COL24A1: variants seen among roughly 807,000 people sequenced by gnomAD.
The protein encoded by COL24A1 is collagen type XXIV alpha 1 chain.
COL24A1 carries 224 observed loss-of-function variants against 253.9 expected under a neutral mutation model. That is an observed-to-expected ratio of 0.88 (90% CI 0.79 to 0.99). COL24A1 has a LOEUF of 0.99. Ranked by LOEUF, COL24A1 falls within the 50% of genes least tolerant of loss-of-function variation. The pLI is 0.00. For missense variants in COL24A1, 2,131 were observed against 2,068.5 expected (o/e 1.03, Z -0.59); for synonymous variants, 685 against 673.7 (o/e 1.02, Z -0.26).
At chr1:86,139,466 GGAA>G (rs1326238126) in intron 2 of COL24A1, among the ~76,000 whole-genome samples, 1 of 152,090 alleles carries the variant, frequency 6.6e-6, no homozygotes, top group African/African-American at 2.4e-5. Context: ...ATCACAAATT[GGAA>G]GAAGAAGAAT....
chr1:85,786,218 T>C (rs1287305903), intron 48 of COL24A1, 136 bp downstream of exon 48: 3 of 643,020 alleles, frequency 4.7e-6, no homozygotes, highest in African/African-American at 3.6e-5. Context: ...ACTTTCTCTT[T>C]TCCTAACGTG....
chr1:85,799,121 A>G (rs986245700), intron 47 of COL24A1, among the ~76,000 whole-genome samples: 2 of 151,976 alleles, frequency 1.3e-5, no homozygotes, highest in Admixed American at 6.6e-5. Flanking sequence ...CCTCCCCTGT[A>G]CTGTCCCTCA....
intron 37 of COL24A1, among the ~76,000 whole-genome samples, chr1:85,863,862 C>T (rs1402932297): frequency 6.6e-6 from 1 of 152,158 alleles, no homozygotes; most frequent in Non-Finnish European, 1.5e-5. Context: ...CATCTCACAC[C>T]ACTTAGAATG....
intron 5 of COL24A1, among the ~76,000 whole-genome samples, chr1:86,102,058 A>G (rs564147650): frequency 2.7e-5 from 4 of 145,828 alleles, no homozygotes; most frequent in Non-Finnish European, 4.5e-5. Context: ...TACTGATTCC[A>G]TTTTGGTGCT....
intron 50 of COL24A1, among the ~76,000 whole-genome samples, chr1:85,783,839 A>T (rs1478212761): frequency 6.6e-6 from 1 of 152,158 alleles, no homozygotes; most frequent in East Asian, 1.9e-4. Flanking sequence ...TTACTGTAAA[A>T]TTTTCTCAAC....
intron 57 of COL24A1, among the ~76,000 whole-genome samples, chr1:85,742,399 T>C (rs111436220): frequency 0.019 from 2,937 of 152,264 alleles, 109 homozygotes; most frequent in African/African-American, 0.068. Flanking sequence ...CCCAAAGTGC[T>C]GGGATTACAG....
At chr1:85,885,397 A>ATATATAGTTT (rs60994639) in intron 32 of COL24A1, among the ~76,000 whole-genome samples, 1 of 128,902 alleles carries the variant, frequency 7.8e-6, no homozygotes, top group Non-Finnish European at 1.6e-5. Context: ...ATATATATAT[A>ATATATAGTTT]TTTTTTTTTT....
At chr1:85,860,230 G>A (rs1441034856) in intron 37 of COL24A1, among the ~76,000 whole-genome samples, 3 of 151,998 alleles carry the variant, frequency 2.0e-5, no homozygotes, top group African/African-American at 7.3e-5. Context: ...TGAATTATGT[G>A]CCCATTTAAT....
chr1:86,004,759 C>T (rs369090174), intron 19 of COL24A1, among the ~76,000 whole-genome samples: 1 of 152,080 alleles, frequency 6.6e-6, no homozygotes, highest in Non-Finnish European at 1.5e-5. Flanking sequence ...TCTCTCTTGA[C>T]AGAAGACACA....
intron 37 of COL24A1, among the ~76,000 whole-genome samples, chr1:85,858,070 C>T (rs183702909): frequency 3.3e-5 from 5 of 152,304 alleles, no homozygotes; most frequent in Admixed American, 3.3e-4. Flanking sequence ...TGTCTTGAAT[C>T]TGATCATTAT....
intron 24 of COL24A1, among the ~76,000 whole-genome samples, chr1:85,956,341 A>G (rs1011462299): frequency 6.6e-5 from 10 of 152,124 alleles, no homozygotes; most frequent in African/African-American, 2.4e-4. Context: ...ATCAGTCATG[A>G]GAGGGTTTAT....
intron 8 of COL24A1, 74 bp from the exon 9 acceptor site, chr1:86,059,248 C>T: frequency 1.9e-6 from 2 of 1,074,004 alleles, no homozygotes; most frequent in Non-Finnish European, 2.7e-6. Flanking sequence ...AATACACAAG[C>T]TTGGAAATAA....
chr1:85,858,923 C>T (rs918302536), intron 37 of COL24A1, among the ~76,000 whole-genome samples: 6 of 151,810 alleles, frequency 4.0e-5, no homozygotes, highest in Admixed American at 6.6e-5. Context: ...TTTTTGGTAG[C>T]GATGGGGGTT....
chr1:85,894,107 G>A lies in COL24A1; in HGVS notation c.2922+1751C>T, dbSNP rs971326092. On this transcript the variant is annotated intron_variant, in intron 31 of 59. Coordinates refer to ENST00000370571, the MANE Select transcript of COL24A1 (RefSeq NM_152890.7). Reference sequence around the variant, plus strand: ...GTGCTGAAGGATCAAGTGAACCTTTGGGGCTTGTCTGGCTTTTTTCAGTTG... The same window carrying A: ...GTGCTGAAGGATCAAGTGAACCTTTAGGGCTTGTCTGGCTTTTTTCAGTTG... Among the ~76,000 whole-genome samples the A allele has an allele frequency of 5.3e-5, 8 of 152,170 alleles. No individual in the cohort carries two copies. The East Asian group carries it at 1.5e-3, about 29-fold the overall frequency.
At chr1:86,137,287 T>A (rs1650397091) in intron 2 of COL24A1, among the ~76,000 whole-genome samples, 2 of 152,110 alleles carry the variant, frequency 1.3e-5, no homozygotes, top group East Asian at 1.9e-4. Flanking sequence ...TTTACATTTT[T>A]AAAAAATAAG....
intron 2 of COL24A1, among the ~76,000 whole-genome samples, chr1:86,130,646 T>C (rs896935335): frequency 1.3e-5 from 2 of 152,012 alleles, no homozygotes; most frequent in East Asian, 3.9e-4. Flanking sequence ...GTATCTTTCA[T>C]AGTGTTTATC....
chr1:85,809,815 A>G (rs1025097253), intron 47 of COL24A1, among the ~76,000 whole-genome samples: 1 of 148,164 alleles, frequency 6.7e-6, no homozygotes, highest in Admixed American at 6.8e-5. Context: ...AATATTATAT[A>G]TATATAATCA....
chr1:86,149,385 T>C (rs1652413531), intron 1 of COL24A1, among the ~76,000 whole-genome samples: 1 of 152,216 alleles, frequency 6.6e-6, no homozygotes, highest in South Asian at 2.1e-4. Flanking sequence ...CCTAATATGA[T>C]TTAGAGCTTG....
chr1:86,148,709 A>G (rs1652285210), intron 1 of COL24A1, among the ~76,000 whole-genome samples: 1 of 152,136 alleles, frequency 6.6e-6, no homozygotes, highest in Non-Finnish European at 1.5e-5. Flanking sequence ...ATAGTATTCC[A>G]TGGTGTATAT....
Sources: gnomAD v4.1 joint callset for allele counts (sites outside exome capture counted in the v4.1 genomes callset) on GRCh38, gnomAD v4.1.1 for gene constraint, MANE v1.5 for transcripts, NCBI Gene and HGNC (gene_info 2026-07-23, HGNC 2026-07-21) for gene names.